ALK: variants seen among roughly 807,000 people sequenced by gnomAD.
The protein encoded by ALK is ALK receptor tyrosine kinase.
A neutral mutation model predicts 163.1 loss-of-function variants in ALK; 74 were observed. That is an observed-to-expected ratio of 0.45 (90% CI 0.38 to 0.55). The LOEUF (loss-of-function observed/expected upper bound fraction) is 0.55, where lower values mean the gene tolerates loss of function less well. Among genes scored for constraint, ALK ranks in the 20% least tolerant of loss-of-function variants. The probability of loss-of-function intolerance (pLI) is 0.00; values close to 1 mark genes in which losing one functional copy is unlikely to be tolerated. For missense variants in ALK, 2,063 were observed against 2,105.3 expected, an observed-to-expected ratio of 0.98 and a Z score of 0.39; for synonymous variants, 960 against 843.2, an observed-to-expected ratio of 1.14 and a Z score of -2.40.
At chr2:29,532,334 T>C (rs983118983) in intron 3 of ALK, among the ~76,000 whole-genome samples, 3 of 152,186 alleles carry the variant, frequency 2.0e-5, no homozygotes, top group Non-Finnish European at 4.4e-5. Flanking sequence ...ACATAGGCCT[T>C]ATAATCAGGC....
rs56405328 is a variant in ALK at position 29,493,815 on chromosome 2, C to G, written c.1154+38100G>C. Among the ~76,000 whole-genome samples, 3 of 152,050 alleles carry G rather than the reference C, an allele frequency of 2.0e-5. No homozygotes were observed. In the East Asian group the frequency reaches 5.8e-4, roughly 29 times the overall value. ...GAACAGGCTCCCTGGAGGTACCATGCGAAGCCCTTAGGACTTGGTTGGTGA... is the reference window on the plus strand; with the variant it reads ...GAACAGGCTCCCTGGAGGTACCATGGGAAGCCCTTAGGACTTGGTTGGTGA... On this transcript the variant is annotated intron_variant, in intron 4 of 28. Coordinates refer to ENST00000389048, the MANE Select transcript of ALK (RefSeq NM_004304.5).
At chr2:29,309,541 G>A (rs1011926978) in intron 8 of ALK, among the ~76,000 whole-genome samples, 21 of 152,268 alleles carry the variant, frequency 1.4e-4, no homozygotes, top group African/African-American at 5.1e-4. Flanking sequence ...CAAGTGCTCT[G>A]GCAGAGTCGA....
intron 5 of ALK, among the ~76,000 whole-genome samples, chr2:29,373,016 G>C (rs976948897): frequency 6.6e-6 from 1 of 152,106 alleles, no homozygotes; most frequent in African/African-American, 2.4e-5. Context: ...AACGATTCCA[G>C]AGAGCTCTTA....
intron 3 of ALK, among the ~76,000 whole-genome samples, chr2:29,645,651 G>A (rs567030484): frequency 5.9e-5 from 9 of 151,910 alleles, no homozygotes; most frequent in African/African-American, 2.2e-4. Context: ...GGCTTTTTCC[G>A]CCATCCTGTG....
intron 4 of ALK, among the ~76,000 whole-genome samples, chr2:29,481,666 A>C (rs1381029832): frequency 1.3e-5 from 2 of 152,160 alleles, no homozygotes; most frequent in African/African-American, 4.8e-5. Context: ...TTCAGTTTTA[A>C]TGGTTTTTGA....
chr2:29,887,632 T>G (rs774580810), intron 1 of ALK, among the ~76,000 whole-genome samples: 2 of 152,156 alleles, frequency 1.3e-5, no homozygotes, highest in African/African-American at 2.4e-5. Context: ...CAGATTCTGG[T>G]TGGGTAGGCC....
intron 1 of ALK, among the ~76,000 whole-genome samples, chr2:29,752,378 T>C (rs1176661911): frequency 1.4e-5 from 2 of 147,132 alleles, no homozygotes; most frequent in Admixed American, 6.8e-5. Context: ...GAGACGGAGT[T>C]TCGCTCTGTC....
At chr2:29,503,527 C>A (rs1672239919) in intron 4 of ALK, among the ~76,000 whole-genome samples, 1 of 152,144 alleles carries the variant, frequency 6.6e-6, no homozygotes. Context: ...AGAGAAAGAA[C>A]AATGCATGGG....
chr2:29,363,306 G>T (rs1384664175), intron 5 of ALK, among the ~76,000 whole-genome samples: 9 of 152,180 alleles, frequency 5.9e-5, no homozygotes, highest in Admixed American at 2.6e-4. Context: ...CTTCCTAGGG[G>T]CCTTCACCGA....
chr2:29,499,128 A>G (rs1303155315), intron 4 of ALK, among the ~76,000 whole-genome samples: 2 of 152,134 alleles, frequency 1.3e-5, no homozygotes, highest in African/African-American at 2.4e-5. Flanking sequence ...TTCCCAAGAT[A>G]TACGTTCCTC....
At chr2:29,825,908 G>C (rs1665184058) in intron 1 of ALK, among the ~76,000 whole-genome samples, 1 of 152,128 alleles carries the variant, frequency 6.6e-6, no homozygotes. Flanking sequence ...TGGATGTTTA[G>C]GTGGTAGGGG....
intron 1 of ALK, among the ~76,000 whole-genome samples, chr2:29,869,265 C>G: frequency 6.6e-6 from 1 of 152,214 alleles, no homozygotes; most frequent in East Asian, 1.9e-4. Context: ...AATATAGAGC[C>G]CTACCTTAAC....
chr2:29,847,825 G>A (rs1665884764), intron 1 of ALK, among the ~76,000 whole-genome samples: 2 of 151,802 alleles, frequency 1.3e-5, no homozygotes, highest in Admixed American at 1.3e-4. Flanking sequence ...AGAAATGAGA[G>A]AGCGTAGGAA....
chr2:29,570,042 A>G (rs1194744481), intron 3 of ALK, among the ~76,000 whole-genome samples: 1 of 152,186 alleles, frequency 6.6e-6, no homozygotes, highest in East Asian at 1.9e-4. Context: ...GTAGCCTAAC[A>G]CTGTGGAAAC....
chr2:29,421,624 T>C (rs1670017761), intron 4 of ALK, among the ~76,000 whole-genome samples: 1 of 151,534 alleles, frequency 6.6e-6, no homozygotes, highest in South Asian at 2.1e-4. Context: ...GACCTCTGAC[T>C]CCCTACTCCC....
chr2:29,373,504 C>A (rs1327110229), intron 5 of ALK, among the ~76,000 whole-genome samples: 1 of 152,236 alleles, frequency 6.6e-6, no homozygotes, highest in Non-Finnish European at 1.5e-5. Flanking sequence ...TCGGCACACT[C>A]ATTCTTTATT....
intron 3 of ALK, among the ~76,000 whole-genome samples, chr2:29,675,135 A>C (rs1677834713): frequency 6.6e-6 from 1 of 152,022 alleles, no homozygotes; most frequent in African/African-American, 2.4e-5. Context: ...ACAAACCAAA[A>C]TGAGGCTATA....
At chr2:29,909,519 A>AGAGAGAGAGAGAGAGAGAG (rs1558544332) in intron 1 of ALK, among the ~76,000 whole-genome samples, 1 of 143,136 alleles carries the variant, frequency 7.0e-6, no homozygotes, top group Admixed American at 6.8e-5. Flanking sequence ...AGAGAGAGAG[A>AGAGAGAGAGAGAGAGAGAG]ATGCTCCACA....
chr2:29,369,442 T>C (rs547073383), intron 5 of ALK, among the ~76,000 whole-genome samples: 53 of 152,100 alleles, frequency 3.5e-4, no homozygotes, highest in African/African-American at 1.2e-3. Context: ...AGAGTAAGGA[T>C]GAAAAGAGAA....
Sources: gnomAD v4.1 joint callset for allele counts (sites outside exome capture counted in the v4.1 genomes callset) on GRCh38, gnomAD v4.1.1 for gene constraint, MANE v1.5 for transcripts, NCBI Gene and HGNC (gene_info 2026-07-23, HGNC 2026-07-21) for gene names.